Variants in FOXP1 observed in about 807,000 individuals in gnomAD.
FOXP1 encodes the protein forkhead box P1.
In FOXP1, 15 loss-of-function variants were observed where a neutral mutation model predicts 98.2. That is an observed-to-expected ratio of 0.15 (90% CI 0.10 to 0.24). FOXP1 has a LOEUF of 0.24. Among genes scored for constraint, FOXP1 ranks in the 10% least tolerant of loss-of-function variants. The probability of loss-of-function intolerance (pLI) is 1.00; values close to 1 mark genes in which losing one functional copy is unlikely to be tolerated. For missense variants in FOXP1, 633 were observed against 848.5 expected (o/e 0.75, Z 3.15); for synonymous variants, 371 against 314.5 (o/e 1.18, Z -1.90).
intron 5 of FOXP1, among the ~76,000 whole-genome samples, chr3:71,279,967 T>C (rs1560232215): frequency 1.3e-5 from 2 of 151,358 alleles, no homozygotes; most frequent in East Asian, 2.0e-4. Flanking sequence ...ACTAAAAATA[T>C]AAAAAATTAG....
intron 5 of FOXP1, among the ~76,000 whole-genome samples, chr3:71,215,715 C>T (rs1464828236): frequency 6.6e-6 from 1 of 152,112 alleles, no homozygotes; most frequent in African/African-American, 2.4e-5. Context: ...ACTATAACAT[C>T]AATAAAGTCA....
chr3:71,268,947 C>T (rs1239081374), intron 5 of FOXP1, among the ~76,000 whole-genome samples: 1 of 152,166 alleles, frequency 6.6e-6, no homozygotes, highest in Non-Finnish European at 1.5e-5. Context: ...TATTACCCAA[C>T]ATGTAGCCTC....
intron 1 of FOXP1, 146 bp from the exon 2 acceptor site, chr3:71,581,843 A>G: frequency 2.0e-6 from 2 of 986,034 alleles, no homozygotes; most frequent in Non-Finnish European, 2.4e-6. Flanking sequence ...GTGCGCGTGG[A>G]GGGAAGAGAG....
In FOXP1 at chr3:71,382,270, CA is replaced by C. The variant is rs565199032; in HGVS notation, c.-167-23027del. On this transcript the variant is annotated intron_variant, in intron 3 of 20. Transcript: ENST00000649528. ...AACATGGGCGACAGGGACCTGTCTC[CA>C]AAACAAGAAAAAAGGTGGGGAGGAA... Among the ~76,000 whole-genome samples the C allele has an allele frequency of 8.5e-4, 128 of 150,794 alleles. 1 individual carries two copies. The highest frequency in any genetic ancestry group is 3.4e-3 in the Middle Eastern group (1 of 294).
chr3:71,099,712 C>T (rs2056792308), intron 7 of FOXP1, among the ~76,000 whole-genome samples: 1 of 152,046 alleles, frequency 6.6e-6, no homozygotes, highest in African/African-American at 2.4e-5. Flanking sequence ...AAGGTGGTAC[C>T]GGGACTATAA....
intron 3 of FOXP1, among the ~76,000 whole-genome samples, chr3:71,487,219 G>A (rs1293063011): frequency 6.6e-6 from 1 of 151,976 alleles, no homozygotes; most frequent in Non-Finnish European, 1.5e-5. Flanking sequence ...CCAGTTGAAG[G>A]GTAGAAAATA....
chr3:70,989,021 C>G (rs1477355275), intron 13 of FOXP1, among the ~76,000 whole-genome samples: 2 of 151,960 alleles, frequency 1.3e-5, no homozygotes, highest in Non-Finnish European at 2.9e-5. Flanking sequence ...CATCATTTGT[C>G]CAAAATAATG....
chr3:71,218,960 A>C (rs575339305), intron 5 of FOXP1, among the ~76,000 whole-genome samples: 98 of 152,316 alleles, frequency 6.4e-4, no homozygotes, highest in African/African-American at 2.2e-3. Flanking sequence ...GTCCTAAAAG[A>C]GCCACAAATT....
chr3:71,347,483 T>G (rs979022406), intron 4 of FOXP1, among the ~76,000 whole-genome samples: 9 of 152,334 alleles, frequency 5.9e-5, no homozygotes, highest in Middle Eastern at 3.4e-3. Flanking sequence ...TGGTTTTGCA[T>G]AAACTACATG....
At chr3:70,976,291 T>A (rs2037510265) in intron 17 of FOXP1, among the ~76,000 whole-genome samples, 1 of 152,160 alleles carries the variant, frequency 6.6e-6, no homozygotes, top group South Asian at 2.1e-4. Context: ...TGAGCTCAAG[T>A]GATCCTCTTG....
At position 71,015,615 on chromosome 3, in the gene FOXP1, T is replaced by C; in HGVS notation, c.908A>G (p.Tyr303Cys). The C allele has an allele frequency of 6.2e-7, 1 of 1,612,996 alleles. No individual in the cohort carries two copies. The highest frequency in any genetic ancestry group is 8.5e-7 in the Non-Finnish European group (1 of 1,179,212). The change falls in exon 12 of 21, where the codon TAT becomes TGT. Residue 303 changes from tyrosine (Y) to cysteine (C), a missense_variant. By Grantham distance (194) the Tyr-to-Cys change is radical (BLOSUM62 -2). Transcript: ENST00000649528. ...HEEHPHSHPL[Y>C]GHGVCKWPGC... Reference sequence around the variant, plus strand: ...TGGCCACTTGCATACACCATGTCCATAGAGAGGATGGCTATGGGGGTGCTC... The same window carrying C: ...TGGCCACTTGCATACACCATGTCCACAGAGAGGATGGCTATGGGGGTGCTC...
chr3:71,518,445 T>C (rs1440587590), intron 2 of FOXP1, among the ~76,000 whole-genome samples: 5 of 152,254 alleles, frequency 3.3e-5, no homozygotes, highest in Admixed American at 2.6e-4. Context: ...AATTATCATC[T>C]AATTCCAAAA....
chr3:71,436,492 G>A (rs367753470), intron 3 of FOXP1, among the ~76,000 whole-genome samples: 75 of 151,744 alleles, frequency 4.9e-4, no homozygotes, highest in African/African-American at 1.4e-3. Context: ...CCCATCTATC[G>A]TCCCTATAAA....
intron 6 of FOXP1, among the ~76,000 whole-genome samples, chr3:71,182,506 G>A (rs893229444): frequency 5.7e-4 from 83 of 146,312 alleles, no homozygotes; most frequent in African/African-American, 1.6e-3. Flanking sequence ...ATATATATGT[G>A]TGTGTGTGTG....
chr3:71,080,216 G>T (rs2054264083), intron 7 of FOXP1, among the ~76,000 whole-genome samples: 1 of 152,150 alleles, frequency 6.6e-6, no homozygotes, highest in Non-Finnish European at 1.5e-5. Context: ...AATCAAAAGT[G>T]TCTAAACAGG....
chr3:71,398,363 T>C (rs1275298102), intron 3 of FOXP1, among the ~76,000 whole-genome samples: 2 of 152,204 alleles, frequency 1.3e-5, no homozygotes, highest in African/African-American at 4.8e-5. Flanking sequence ...TCTTTGAAAC[T>C]TGACAGAAAC....
chr3:71,463,150 G>A, intron 3 of FOXP1, among the ~76,000 whole-genome samples: 1 of 151,920 alleles, frequency 6.6e-6, no homozygotes, highest in Non-Finnish European at 1.5e-5. Context: ...ATTGCTTAAG[G>A]TCAGGAGTTC....
intron 4 of FOXP1, among the ~76,000 whole-genome samples, chr3:71,315,167 T>C (rs924075766): frequency 4.0e-5 from 6 of 150,082 alleles, no homozygotes; most frequent in Non-Finnish European, 8.9e-5. Context: ...AGCCCCTTTA[T>C]ATGAACCAGC....
chr3:71,564,406 C>T (rs1326755668), intron 2 of FOXP1, among the ~76,000 whole-genome samples: 2 of 152,206 alleles, frequency 1.3e-5, no homozygotes, highest in African/African-American at 4.8e-5. Flanking sequence ...CTCATTTAAT[C>T]CACCGAACAA....
Sources: allele counts gnomAD v4.1 joint callset (sites outside exome capture counted in the v4.1 genomes callset), GRCh38; gene constraint gnomAD v4.1.1; transcripts MANE v1.5; gene names NCBI Gene and HGNC (gene_info 2026-07-23, HGNC 2026-07-21).